PPM1E: variants seen among roughly 807,000 people sequenced by gnomAD.
The protein encoded by PPM1E is protein phosphatase 1E.
Under a neutral mutation model 65.9 loss-of-function variants are expected in PPM1E, and 20 were observed. The ratio of observed to expected loss-of-function variants is 0.30; its 90% confidence interval spans 0.21 to 0.44. The LOEUF is 0.44. PPM1E is among the 20% of genes least tolerant of loss of function. The probability of loss-of-function intolerance (pLI) is 1.00; values close to 1 mark genes in which losing one functional copy is unlikely to be tolerated. For missense variants in PPM1E, 713 were observed against 953.1 expected, an observed-to-expected ratio of 0.75 and a Z score of 3.32; for synonymous variants, 352 against 374.9, an observed-to-expected ratio of 0.94 and a Z score of 0.70.
At chr17:58,898,213 C>T (rs2051448240) in intron 1 of PPM1E, among the ~76,000 whole-genome samples, 1 of 150,742 alleles carries the variant, frequency 6.6e-6, no homozygotes, top group Non-Finnish European at 1.5e-5. Flanking sequence ...GATTGTGCCA[C>T]TGCACTCCAG....
At chr17:58,879,501 CTTTTTTT>C (rs71367639) in intron 1 of PPM1E, among the ~76,000 whole-genome samples, 21 of 88,806 alleles carry the variant, frequency 2.4e-4, no homozygotes, top group East Asian at 8.1e-4. Context: ...CTGAGATTAA[CTTTTTTT>C]TTTTTTTTTT....
chr17:58,956,569 T>TA (rs2029880123), intron 2 of PPM1E, among the ~76,000 whole-genome samples: 1 of 152,022 alleles, frequency 6.6e-6, no homozygotes, highest in Non-Finnish European at 1.5e-5. Context: ...TACCAGTAAA[T>TA]AGAGCTCTTT....
At chr17:58,924,208 C>T (rs1334353069) in intron 1 of PPM1E, among the ~76,000 whole-genome samples, 3 of 142,574 alleles carry the variant, frequency 2.1e-5, no homozygotes, top group Admixed American at 7.1e-5. Context: ...GTGTGAGCCA[C>T]TGTGCCTGGC....
intron 1 of PPM1E, among the ~76,000 whole-genome samples, chr17:58,915,649 A>G (rs969072721): frequency 3.9e-5 from 6 of 152,210 alleles, no homozygotes; most frequent in African/African-American, 1.4e-4. Flanking sequence ...TAGTTTGTAA[A>G]AGCCCTGAAT....
intron 1 of PPM1E, among the ~76,000 whole-genome samples, chr17:58,795,330 T>TA (rs2050195708): frequency 6.6e-6 from 1 of 152,214 alleles, no homozygotes. Context: ...TGAATTCACT[T>TA]AGATTCCTGC....
intron 1 of PPM1E, among the ~76,000 whole-genome samples, chr17:58,870,984 A>G (rs1410342144): frequency 2.6e-5 from 4 of 152,070 alleles, no homozygotes; most frequent in African/African-American, 9.7e-5. Flanking sequence ...TGGTGATCCC[A>G]AGAGGCTTGG....
chr17:58,894,176 C>G (rs568757586), intron 1 of PPM1E, among the ~76,000 whole-genome samples: 1 of 152,076 alleles, frequency 6.6e-6, no homozygotes, highest in Non-Finnish European at 1.5e-5. Flanking sequence ...GGCTGGAGTA[C>G]AGTGGTGCAA....
At chr17:58,788,036 A>G (rs1262557482) in intron 1 of PPM1E, among the ~76,000 whole-genome samples, 1 of 152,042 alleles carries the variant, frequency 6.6e-6, no homozygotes, top group Admixed American at 6.6e-5. Context: ...CTTTCAGCAC[A>G]TCAAACTGTA....
intron 1 of PPM1E, among the ~76,000 whole-genome samples, chr17:58,781,918 A>AT (rs542483464): frequency 2.6e-5 from 4 of 151,876 alleles, no homozygotes; most frequent in African/African-American, 4.8e-5. Context: ...AAATGCAGTG[A>AT]TTTTTTCTTG....
chr17:58,804,690 AT>A (rs1195952913), intron 1 of PPM1E, among the ~76,000 whole-genome samples: 1 of 152,174 alleles, frequency 6.6e-6, no homozygotes, highest in Non-Finnish European at 1.5e-5. Context: ...AGAAAATATT[AT>A]TTAAAATATA....
At chr17:58,861,577 A>G (rs960255154) in intron 1 of PPM1E, among the ~76,000 whole-genome samples, 10 of 152,162 alleles carry the variant, frequency 6.6e-5, no homozygotes, top group African/African-American at 2.4e-4. Context: ...CACAAGAGTC[A>G]GTTAGATGCA....
chr17:58,964,765 C>T lies in PPM1E; in HGVS notation c.584-929C>T, dbSNP rs184291485. On this transcript the variant is annotated intron_variant, in intron 2 of 6. Coordinates refer to ENST00000308249, the MANE Select transcript of PPM1E (RefSeq NM_014906.5). ...ATAATATCAAACAGAAAAAACAGGCCGGGTGCGGTGGCTCACGCCTATAAT... is the reference window on the plus strand; with the variant it reads ...ATAATATCAAACAGAAAAAACAGGCTGGGTGCGGTGGCTCACGCCTATAAT... Among the ~76,000 whole-genome samples, 482 of 152,136 alleles carry T rather than the reference C, an allele frequency of 3.2e-3. 3 individuals carry two copies. Among genetic ancestry groups the T allele is most frequent in the Non-Finnish European group, 3.0e-3 (202 of 68,002 alleles).
chr17:58,771,585 T>C (rs1161762489), intron 1 of PPM1E, among the ~76,000 whole-genome samples: 1 of 148,948 alleles, frequency 6.7e-6, no homozygotes, highest in Non-Finnish European at 1.5e-5. Flanking sequence ...TTCGCGCCAC[T>C]GCACTCCAGC....
At chr17:58,976,643 A>G (rs1419469880) in intron 6 of PPM1E, among the ~76,000 whole-genome samples, 1 of 152,168 alleles carries the variant, frequency 6.6e-6, no homozygotes, top group Non-Finnish European at 1.5e-5. Context: ...AGACAAAAGG[A>G]TGTTGCCATT....
At chr17:58,898,655 C>T (rs1372985979) in intron 1 of PPM1E, among the ~76,000 whole-genome samples, 1 of 152,176 alleles carries the variant, frequency 6.6e-6, no homozygotes, top group Non-Finnish European at 1.5e-5. Flanking sequence ...AATCCCATTA[C>T]TGGGCATATA....
chr17:58,765,179 C>CTT (rs11298918), intron 1 of PPM1E, among the ~76,000 whole-genome samples: 12 of 132,124 alleles, frequency 9.1e-5, no homozygotes, highest in South Asian at 2.4e-4. Flanking sequence ...TTCTTTCTTT[C>CTT]TTTTTTTTTT....
chr17:58,906,615 G>A (rs2051561043), intron 1 of PPM1E, among the ~76,000 whole-genome samples: 3 of 152,078 alleles, frequency 2.0e-5, no homozygotes, highest in African/African-American at 7.2e-5. Context: ...TGGGATTACA[G>A]GTATGAGCCA....
intron 1 of PPM1E, among the ~76,000 whole-genome samples, chr17:58,942,375 G>A (rs1456155719): frequency 6.6e-6 from 1 of 152,136 alleles, no homozygotes; most frequent in East Asian, 1.9e-4. Flanking sequence ...AACACAGCAA[G>A]GCTCTGTCTC....
intron 2 of PPM1E, among the ~76,000 whole-genome samples, chr17:58,956,311 C>T (rs930768898): frequency 6.6e-6 from 1 of 151,958 alleles, no homozygotes; most frequent in African/African-American, 2.4e-5. Context: ...TGGTGCACAC[C>T]TGTGGTCCTA....
Sources: gnomAD v4.1 joint callset for allele counts (sites outside exome capture counted in the v4.1 genomes callset) on GRCh38, gnomAD v4.1.1 for gene constraint, MANE v1.5 for transcripts, NCBI Gene and HGNC (gene_info 2026-07-23, HGNC 2026-07-21) for gene names.